EPHB2: variants seen among roughly 807,000 people sequenced by gnomAD.
EPHB2 encodes ephrin type-B receptor 2.
In EPHB2, 18 loss-of-function variants were observed where a neutral mutation model predicts 96.4. That is an observed-to-expected ratio of 0.19 (90% CI 0.13 to 0.28). The LOEUF is 0.28. Among genes scored for constraint, EPHB2 ranks in the 10% least tolerant of loss-of-function variants. The probability of loss-of-function intolerance (pLI) is 1.00; values close to 1 mark genes in which losing one functional copy is unlikely to be tolerated. For synonymous variants in EPHB2, 506 were observed against 534.1 expected, an observed-to-expected ratio of 0.95 and a Z score of 0.72; for missense variants, 989 against 1,355.4, an observed-to-expected ratio of 0.73 and a Z score of 4.25.
intron 1 of EPHB2, among the ~76,000 whole-genome samples, chr1:22,752,014 C>G (rs1039540872): frequency 2.6e-5 from 4 of 152,206 alleles, no homozygotes; most frequent in African/African-American, 9.7e-5. Context: ...TTTGGGCGTT[C>G]ACTAGTTCCG....
chr1:22,864,031 GTTCT>G (rs1235992084), intron 4 of EPHB2, among the ~76,000 whole-genome samples: 31 of 96,414 alleles, frequency 3.2e-4, no homozygotes, highest in African/African-American at 9.0e-4. Flanking sequence ...CCTAGTTTCT[GTTCT>G]TTTTTTTTTT....
At position 22,865,049 on chromosome 1, in the gene EPHB2, G is replaced by A; in HGVS notation, c.1140G>A (p.Gln380=). The A allele has an allele frequency of 1.2e-6, 2 of 1,614,204 alleles. No individual in the cohort carries two copies. The part of the protein sequence containing the change: ...GACTRCGDNV[Q]YAPRQLGLTE... Reference sequence around the variant, plus strand: ...GCACCCGCTGCGGGGACAATGTACAGTACGCACCACGCCAGCTAGGCCTGA... The same window carrying A: ...GCACCCGCTGCGGGGACAATGTACAATACGCACCACGCCAGCTAGGCCTGA... The change falls in exon 5 of 16, where the codon CAG becomes CAA. Residue 380 remains glutamine (Q), a synonymous_variant. Transcript: ENST00000374630.
At chr1:22,874,438 G>A (rs1235588603) in intron 5 of EPHB2, among the ~76,000 whole-genome samples, 1 of 152,168 alleles carries the variant, frequency 6.6e-6, no homozygotes, top group African/African-American at 2.4e-5. Flanking sequence ...ATGGGTGATT[G>A]GATGTTTCCC....
chr1:22,827,236 C>G (rs1360459304), intron 3 of EPHB2, among the ~76,000 whole-genome samples: 1 of 152,214 alleles, frequency 6.6e-6, no homozygotes, highest in Non-Finnish European at 1.5e-5. Context: ...ATGTGTCAGT[C>G]TGTCCTCGGA....
At chr1:22,902,550 T>C (rs1211832362) in intron 9 of EPHB2, among the ~76,000 whole-genome samples, 1 of 152,226 alleles carries the variant, frequency 6.6e-6, no homozygotes, top group Non-Finnish European at 1.5e-5. Flanking sequence ...AGATTCATAA[T>C]TTTCATCAAA....
At chr1:22,740,261 G>C (rs1643886865) in intron 1 of EPHB2, among the ~76,000 whole-genome samples, 1 of 152,188 alleles carries the variant, frequency 6.6e-6, no homozygotes, top group Admixed American at 6.5e-5. Flanking sequence ...TTCTTTTGGG[G>C]AGTGTGTCAT....
intron 14 of EPHB2, 60 bp downstream of exon 14, chr1:22,910,635 C>A: frequency 6.4e-7 from 1 of 1,551,726 alleles, no homozygotes; most frequent in Non-Finnish European, 8.6e-7. Flanking sequence ...GTCTCCCATC[C>A]CTTCTGCCCC....
intron 1 of EPHB2, among the ~76,000 whole-genome samples, chr1:22,776,677 T>C (rs2817913): frequency 0.029 from 4,471 of 152,330 alleles, 250 homozygotes; most frequent in African/African-American, 0.1. Context: ...TTTATAATCA[T>C]GATTACGCTT....
At chr1:22,815,600 A>G (rs1347656857) in intron 3 of EPHB2, among the ~76,000 whole-genome samples, 1 of 152,236 alleles carries the variant, frequency 6.6e-6, no homozygotes, top group African/African-American at 2.4e-5. Flanking sequence ...TTGGCTCTCA[A>G]TTTTGGTCCA....
At chr1:22,883,504 G>C (rs1006731524) in intron 6 of EPHB2, among the ~76,000 whole-genome samples, 1 of 152,238 alleles carries the variant, frequency 6.6e-6, no homozygotes, top group Non-Finnish European at 1.5e-5. Context: ...AGGCATCGCG[G>C]GGCTTCCATT....
intron 3 of EPHB2, among the ~76,000 whole-genome samples, chr1:22,857,025 G>A (rs1273168890): frequency 3.3e-5 from 5 of 152,172 alleles, no homozygotes; most frequent in Admixed American, 6.5e-5. Context: ...GATAGGTGCT[G>A]GGGATGCAGA....
chr1:22,796,992 T>C (rs554843337), intron 3 of EPHB2, among the ~76,000 whole-genome samples: 1 of 152,310 alleles, frequency 6.6e-6, no homozygotes, highest in South Asian at 2.1e-4. Context: ...CAGTGTCTCA[T>C]CATTAGTACA....
At chr1:22,849,079 C>T (rs942283932) in intron 3 of EPHB2, among the ~76,000 whole-genome samples, 3 of 152,294 alleles carry the variant, frequency 2.0e-5, no homozygotes, top group East Asian at 3.9e-4. Context: ...TCTGGGATCA[C>T]GGGCAGCTGG....
At chr1:22,744,429 GTA>G (rs536230564) in intron 1 of EPHB2, among the ~76,000 whole-genome samples, 14 of 147,776 alleles carry the variant, frequency 9.5e-5, no homozygotes, top group South Asian at 4.3e-4. Context: ...TTTGTATGTT[GTA>G]TATATATATA....
At chr1:22,726,848 G>A (rs2148346526) in intron 1 of EPHB2, among the ~76,000 whole-genome samples, 1 of 152,338 alleles carries the variant, frequency 6.6e-6, no homozygotes, top group African/African-American at 2.4e-5. Context: ...GTGCGGAGGG[G>A]AAAGTCCTCC....
chr1:22,739,355 G>A (rs1349326451), intron 1 of EPHB2, among the ~76,000 whole-genome samples: 5 of 152,194 alleles, frequency 3.3e-5, no homozygotes, highest in South Asian at 2.1e-4. Context: ...AATAGGGACC[G>A]CAGGCGCATG....
intron 3 of EPHB2, among the ~76,000 whole-genome samples, chr1:22,861,380 G>A (rs1047824631): frequency 6.6e-6 from 1 of 152,158 alleles, no homozygotes; most frequent in Non-Finnish European, 1.5e-5. Context: ...GCTTTTGCTT[G>A]TAATCCCAGC....
chr1:22,765,331 G>C (rs1302242530), intron 1 of EPHB2, among the ~76,000 whole-genome samples: 1 of 152,050 alleles, frequency 6.6e-6, no homozygotes, highest in African/African-American at 2.4e-5. Context: ...AGGATCACTT[G>C]AGGTCAGGAG....
intron 1 of EPHB2, among the ~76,000 whole-genome samples, chr1:22,751,077 G>C (rs1189343021): frequency 2.6e-5 from 4 of 152,226 alleles, no homozygotes; most frequent in Admixed American, 2.0e-4. Context: ...GTAAAGTGGA[G>C]TTCAAGTGGT....
Sources: allele counts gnomAD v4.1 joint callset (sites outside exome capture counted in the v4.1 genomes callset), GRCh38; gene constraint gnomAD v4.1.1; transcripts MANE v1.5; gene names NCBI Gene and HGNC (gene_info 2026-07-23, HGNC 2026-07-21).